PNPLA5: variants seen among roughly 807,000 people sequenced by gnomAD.
PNPLA5 encodes the protein patatin-like phospholipase domain-containing protein 5.
In PNPLA5, 44 loss-of-function variants were observed where a neutral mutation model predicts 49.1. The observed-to-expected ratio is 0.90, with a 90% CI of 0.70 to 1.15. The LOEUF (loss-of-function observed/expected upper bound fraction) is 1.15. Ranked by LOEUF, PNPLA5 falls within the 50% of genes most tolerant of loss-of-function variation. PNPLA5 has a pLI of 0.00. For missense variants in PNPLA5, 603 were observed against 564.0 expected (o/e 1.07, Z -0.70); for synonymous variants, 243 against 244.4 (o/e 0.99, Z 0.06).
chr22:43,889,235 C>CG (rs568623268), intron 4 of PNPLA5, 94 bp downstream of exon 4: 9 of 1,407,016 alleles, frequency 6.4e-6, no homozygotes, highest in East Asian at 2.3e-5. Flanking sequence ...CCTTCAGGCT[C>CG]GGGGGGCAGT....
At chr22:43,884,167 T>C (rs755119912) in intron 7 of PNPLA5, 46 bp downstream of exon 7, 8 of 1,346,954 alleles carry the variant, frequency 5.9e-6, no homozygotes, top group Middle Eastern at 4.5e-4. Context: ...GGCACCAGTC[T>C]CCGCCACAAG....
In PNPLA5 at chr22:43,884,492, C is replaced by T. The variant is rs563875932; in HGVS notation, c.950-147G>A. On this transcript the variant is annotated intron_variant, in intron 6 of 8. Coordinates refer to ENST00000216177, the MANE Select transcript of PNPLA5 (RefSeq NM_138814.4). ...CACTGAGCAAGCCCCCACCACAGGC[C>T]AGCAGGTAGCTCTGCGCTCATCGTT... 208 of 1,162,202 alleles carry T rather than the reference C, an allele frequency of 1.8e-4. No individual in the cohort carries two copies. The South Asian group carries it at 4.2e-3, about 23-fold the overall frequency. The allele number at this position is 1,162,202 out of a possible 1,614,324, so 72.0% of individuals were successfully genotyped here. A position where few individuals can be genotyped will look rare whatever the true frequency, so the allele number is the denominator to read the frequency against.
rs906313165 is a variant in PNPLA5 at position 43,880,421 on chromosome 22, G to A, written c.*374C>T. Reference sequence around the variant, plus strand: ...AGTTGGCTCCTCTGGTCTCTGACGCGGGCATCAGGCACTTTCTCAATCTTC... The same window carrying A: ...AGTTGGCTCCTCTGGTCTCTGACGCAGGCATCAGGCACTTTCTCAATCTTC... On this transcript the variant is annotated 3_prime_UTR_variant, in exon 9 of 9. Transcript: ENST00000216177. 13 of 398,636 alleles carry A rather than the reference G, an allele frequency of 3.3e-5. No homozygotes were observed. Among genetic ancestry groups the A allele is most frequent in the Non-Finnish European group, 4.9e-5 (11 of 226,180 alleles). 24.7% of individuals were successfully genotyped at this position (398,636 alleles called of 1,614,324 possible).
Position 43,891,074 on chromosome 22 carries a change from A to G in PNPLA5, c.414T>C (p.Asp138=). Residue 138 remains aspartate, a synonymous_variant, in exon 2 of 9, where the codon GAT becomes GAC. Coordinates refer to ENST00000216177, the MANE Select transcript of PNPLA5 (RefSeq NM_138814.4). Reference sequence around the variant, plus strand: ...CCCCGCCCCACACCTGGATGAGCTCATCGCAGGTGGCGAAGTCAGTGACCA... The same window carrying G: ...CCCCGCCCCACACCTGGATGAGCTCGTCGCAGGTGGCGAAGTCAGTGACCA... ...NFLVTDFATC[D]ELIQALVCTL... The G allele has an allele frequency of 6.2e-7, 1 of 1,610,132 alleles. No homozygotes were observed. The highest frequency in any genetic ancestry group is 2.2e-5 in the East Asian group (1 of 44,578).
Position 43,889,797 on chromosome 22 carries a change from A to T in PNPLA5, c.492+2T>A. On this transcript the variant is annotated splice_donor_variant, in intron 3 of 8. Transcript: ENST00000216177. LOFTEE classifies it high-confidence loss of function. Reference sequence around the variant, plus strand: ...CAGAACGGGGTTCCAGAGTGCACTCACCTCCCCTCTGAACTCGGGGGGGAT... The same window carrying T: ...CAGAACGGGGTTCCAGAGTGCACTCTCCTCCCCTCTGAACTCGGGGGGGAT... 3 of 1,611,950 alleles carry T rather than the reference A, an allele frequency of 1.9e-6. No homozygotes were observed. Among genetic ancestry groups the T allele is most frequent in the Non-Finnish European group, 2.5e-6 (3 of 1,179,420 alleles).
Position 43,891,728 on chromosome 22 carries a change from C to T in PNPLA5, c.153G>A (p.Gly51=). 6.5e-7 allele frequency: 1 copy of T among 1,547,842 alleles called. No individual in the cohort carries two copies. The highest frequency in any genetic ancestry group is 2.5e-5 in the East Asian group (1 of 40,642). ...GARRIYGSSS[G]ALNAVSIVCG... ...AGACGATGCTGACTGCGTTGAGCGC[C>T]CCAGACGAGGAACCGTAGATGCGGC... Residue 51 remains glycine, a synonymous_variant, in exon 1 of 9, where the codon GGG becomes GGA. Transcript: ENST00000216177.
At chr22:43,890,136 A>C in intron 2 of PNPLA5, 1 of 946,262 alleles carries the variant, frequency 1.1e-6, no homozygotes, top group Non-Finnish European at 1.3e-6. Context: ...GGGGACCCCA[A>C]AGAGTGGCCC....
intron 4 of PNPLA5, 40 bp downstream of exon 4, chr22:43,889,289 C>T (rs2148330072): frequency 1.2e-6 from 2 of 1,606,714 alleles, no homozygotes; most frequent in East Asian, 4.5e-5. Flanking sequence ...GGCCCTTGAC[C>T]TTGGCCAAGC....
In PNPLA5 at chr22:43,889,382, A is replaced by C; in HGVS notation, c.649T>G (p.Ser217Ala). ...LNVFNFSFQI[S>A]TENFFLGLIC... ...AGCCCCAGGAAGAAGTTCTCAGTGG[A>C]GATTTGGAAGCTGAAGTTGAAGACG... Residue 217 changes from serine (S) to alanine (A), a missense_variant, in exon 4 of 9, where the codon TCC (serine) becomes GCC (alanine). By Grantham distance (99) the Ser-to-Ala change is moderately conservative. Transcript: ENST00000216177. 6.2e-7 allele frequency: 1 copy of C among 1,613,562 alleles called. No individual in the cohort carries two copies. The highest frequency in any genetic ancestry group is 8.5e-7 in the Non-Finnish European group (1 of 1,179,930).
At position 43,889,325 on chromosome 22, in the gene PNPLA5, C is replaced by A. The variant is rs1331631969; in HGVS notation, c.702+4G>T. On this transcript the variant is annotated splice_donor_region_variant and intron_variant, in intron 4 of 8. Coordinates refer to ENST00000216177, the MANE Select transcript of PNPLA5 (RefSeq NM_138814.4). ...CTCTAACACCATCACAGGGCCAGAC[C>A]TACCTCGAGGCTGGGGGGTATGAGA... is the stretch of plus-strand genomic sequence containing the variant. 9.3e-6 allele frequency: 15 copies of A among 1,613,600 alleles called. No homozygotes were observed. Among genetic ancestry groups the A allele is most frequent in the Non-Finnish European group, 1.3e-5 (15 of 1,179,972 alleles).
chr22:43,886,613 C>T (rs2049667651), intron 5 of PNPLA5, 125 bp from the exon 6 acceptor site: 9 of 1,446,138 alleles, frequency 6.2e-6, no homozygotes, highest in Non-Finnish European at 7.2e-6. Flanking sequence ...GACGGACCCA[C>T]AGCTTATTCC....
At chr22:43,889,770 C>A in intron 3 of PNPLA5, 29 bp downstream of exon 3, 2 of 1,606,544 alleles carry the variant, frequency 1.2e-6, no homozygotes, top group Non-Finnish European at 1.7e-6. Flanking sequence ...CTGCCCAGAG[C>A]ACAGAACGGG....
At chr22:43,884,389 TG>T in intron 6 of PNPLA5, 44 bp from the exon 7 acceptor site, 1 of 1,491,486 alleles carries the variant, frequency 6.7e-7, no homozygotes. Flanking sequence ...CTGAAGTCTG[TG>T]GGCCAGCAAC....
In PNPLA5 at chr22:43,891,226, G is replaced by T; in HGVS notation, c.262C>A (p.Pro88Thr). 6.4e-7 allele frequency: 1 copy of T among 1,571,370 alleles called. No individual in the cohort carries two copies. Among genetic ancestry groups the T allele is most frequent in the Non-Finnish European group, 8.7e-7 (1 of 1,155,150 alleles). ...LERLSLSILH[P>T]AYAPIEHVKQ... ...ACGTGCTCGATGGGCGCGTAGGCCG[G>T]GTGCAGGATGCTTAGGCTCAGCCGC... The change falls in exon 2 of 9, where the codon CCG becomes ACG. Residue 88 changes from proline to threonine, a missense_variant. Transcript: ENST00000216177.
At position 43,891,216 on chromosome 22, in the gene PNPLA5, G is replaced by T; in HGVS notation, c.272C>A (p.Ala91Glu). 1 of 1,577,330 alleles carries T rather than the reference G, an allele frequency of 6.3e-7. No individual in the cohort carries two copies. The highest frequency in any genetic ancestry group is 1.2e-5 in the South Asian group (1 of 86,362). Reference sequence around the variant, plus strand: ...CTGCTGCTTGACGTGCTCGATGGGCGCGTAGGCCGGGTGCAGGATGCTTAG... The same window carrying T: ...CTGCTGCTTGACGTGCTCGATGGGCTCGTAGGCCGGGTGCAGGATGCTTAG... ...LSLSILHPAY[A>E]PIEHVKQQLQ... Residue 91 changes from alanine (A) to glutamate (E), a missense_variant, in exon 2 of 9, where the codon GCG becomes GAG. Ala to Glu is a moderately radical substitution (Grantham distance 107). Coordinates refer to ENST00000216177, the MANE Select transcript of PNPLA5 (RefSeq NM_138814.4).
Position 43,889,501 on chromosome 22 carries a change from A to G in PNPLA5, c.530T>C (p.Phe177Ser). 1 of 1,613,520 alleles carries G rather than the reference A, an allele frequency of 6.2e-7. No homozygotes were observed. ...IDGALSNNLP[F>S]ADCPSTITVS... is the part of the protein sequence containing the mutation. ...CGTGATGGTGGAGGGGCAGTCTGCAAAGGGCAAGTTGTTGCTCAGAGCCCC... is the reference window on the plus strand; with the variant it reads ...CGTGATGGTGGAGGGGCAGTCTGCAGAGGGCAAGTTGTTGCTCAGAGCCCC... The change falls in exon 4 of 9, where the codon TTT (phenylalanine) becomes TCT (serine). Residue 177 changes from phenylalanine to serine, a missense_variant. Coordinates refer to ENST00000216177, the MANE Select transcript of PNPLA5 (RefSeq NM_138814.4).
chr22:43,885,349 C>T (rs2049652632), intron 6 of PNPLA5, among the ~76,000 whole-genome samples: 1 of 151,896 alleles, frequency 6.6e-6, no homozygotes, highest in African/African-American at 2.4e-5. Flanking sequence ...GCCTCGACCG[C>T]CATCCCTCTC....
Position 43,880,603 on chromosome 22 carries a change from G to T in PNPLA5, c.*192C>A. On this transcript the variant is annotated 3_prime_UTR_variant, in exon 9 of 9. Coordinates refer to ENST00000216177, the MANE Select transcript of PNPLA5 (RefSeq NM_138814.4). The stretch of plus-strand genomic sequence containing the variant: ...CTGATGAGACGGGGCAAGAGGGAGG[G>T]CAGGTGACCTGGGTACACAGTGACC... The T allele has an allele frequency of 2.3e-6, 1 of 442,414 alleles. No individual in the cohort carries two copies. The highest frequency in any genetic ancestry group is 2.0e-5 in the African/African-American group (1 of 49,504). 27.4% of individuals were successfully genotyped at this position (442,414 alleles called of 1,614,324 possible).
intron 2 of PNPLA5, among the ~76,000 whole-genome samples, chr22:43,890,732 C>T (rs2049713928): frequency 6.6e-6 from 1 of 152,210 alleles, no homozygotes. Flanking sequence ...TGTCAACCCA[C>T]CGCCAAAAAG....
Sources: gnomAD v4.1 joint callset for allele counts (sites outside exome capture counted in the v4.1 genomes callset) on GRCh38, gnomAD v4.1.1 for gene constraint, MANE v1.5 for transcripts, NCBI Gene and HGNC (gene_info 2026-07-23, HGNC 2026-07-21) for gene names.